Variants in ABCA1 observed in about 807,000 individuals in gnomAD.
The protein encoded by ABCA1 is phospholipid-transporting ATPase ABCA1.
In ABCA1, 133 loss-of-function variants were observed where a neutral mutation model predicts 262.5. The observed-to-expected ratio is 0.51, with a 90% CI of 0.44 to 0.59. The LOEUF (loss-of-function observed/expected upper bound fraction) is 0.59. Ranked by LOEUF, ABCA1 falls within the 20% of genes least tolerant of loss-of-function variation. The probability of loss-of-function intolerance (pLI) is 0.00; values close to 1 mark genes in which losing one functional copy is unlikely to be tolerated. For synonymous variants in ABCA1, 1,022 were observed against 1,043.5 expected, an observed-to-expected ratio of 0.98 and a Z score of 0.40; for missense variants, 2,452 against 2,777.5, an observed-to-expected ratio of 0.88 and a Z score of 2.63.
At position 104,884,624 on chromosome 9, in the gene ABCA1, AT is replaced by A. The variant is rs1490238966; in HGVS notation, c.161-57del. The stretch of plus-strand genomic sequence containing the variant: ...GGAGAAACATTAATTCCCTGAAGCG[AT>A]TTTGAGGCTCCATTTATACAATGCT... On this transcript the variant is annotated intron_variant, in intron 3 of 49. Coordinates refer to ENST00000374736, the MANE Select transcript of ABCA1 (RefSeq NM_005502.4). 32 of 1,598,748 alleles carry A rather than the reference AT, an allele frequency of 2.0e-5. No individual in the cohort carries two copies. In the Middle Eastern group the frequency reaches 2.2e-3, roughly 107 times the overall value.
At chr9:104,805,608 C>A (rs960586959) in intron 31 of ABCA1, among the ~76,000 whole-genome samples, 21 of 152,172 alleles carry the variant, frequency 1.4e-4, no homozygotes, top group Non-Finnish European at 2.9e-5. Flanking sequence ...TCTGGTCCAG[C>A]CTCCCTAATT....
Position 104,821,481 on chromosome 9 carries a change from G to T in ABCA1, c.2854C>A (p.Pro952Thr). The T allele has an allele frequency of 1.2e-6, 2 of 1,614,030 alleles. No individual in the cohort carries two copies. The highest frequency in any genetic ancestry group is 1.7e-6 in the Non-Finnish European group (2 of 1,180,042). The change falls in exon 20 of 50, where the codon CCG becomes ACG. Residue 952 changes from proline to threonine, a missense_variant. Pro to Thr is a conservative substitution (Grantham distance 38). Around this residue, in one of 4 missense-constraint regions of ABCA1, gnomAD observed 665 missense variants for 727.3 expected, o/e 0.91. Transcript: ENST00000374736. ...TMSILTGLFPPTSGTAYILGK... is the reference protein window; with the variant it reads ...TMSILTGLFPTTSGTAYILGK... Reference sequence around the variant, plus strand: ...AGGATGTAGGCGGTGCCCGAGGTCGGGGGGAACAACCCGGTCAGGATTGAC... The same window carrying T: ...AGGATGTAGGCGGTGCCCGAGGTCGTGGGGAACAACCCGGTCAGGATTGAC...
chr9:104,803,638 G>A (rs78689349), intron 32 of ABCA1, among the ~76,000 whole-genome samples: 10,260 of 151,228 alleles, frequency 0.068, 432 homozygotes, highest in East Asian at 0.22. Flanking sequence ...AGATGGTTTC[G>A]CTCTTGTTGC....
At position 104,782,848 on chromosome 9, in the gene ABCA1, TA is replaced by T. The variant is rs200463326; in HGVS notation, c.*1466del. ...TTCTTGGCTTTTGCATTGTTGCAATTAAAAAAAAAAAAAAAAAGGCTGCCCA... is the reference window on the plus strand; with the variant it reads ...TTCTTGGCTTTTGCATTGTTGCAATTAAAAAAAAAAAAAAAAGGCTGCCCA... On this transcript the variant is annotated 3_prime_UTR_variant, in exon 50 of 50. Transcript: ENST00000374736. The T allele has an allele frequency of 0.31, 41,813 of 136,024 alleles. 6,115 individuals are homozygous for T. Among genetic ancestry groups the T allele is most frequent in the East Asian group, 0.54 (2,601 of 4,834 alleles). The allele number at this position is 136,024 out of a possible 1,614,324, so 8.4% of individuals were successfully genotyped here.
chr9:104,872,741 A>G (rs1451864286), intron 5 of ABCA1, among the ~76,000 whole-genome samples: 1 of 152,226 alleles, frequency 6.6e-6, no homozygotes, highest in Non-Finnish European at 1.5e-5. Flanking sequence ...TTCAATGAGA[A>G]ACAAACTGGA....
chr9:104,838,291 G>A (rs1281306941), intron 9 of ABCA1, among the ~76,000 whole-genome samples: 4 of 130,340 alleles, frequency 3.1e-5, no homozygotes, highest in South Asian at 2.5e-4. Flanking sequence ...CAACAAGAGC[G>A]AAACTCTGTC....
At chr9:104,786,429 T>C (rs1360522404) in intron 47 of ABCA1, 39 bp from the exon 48 acceptor site, 2 of 1,555,504 alleles carry the variant, frequency 1.3e-6, no homozygotes, top group Admixed American at 3.3e-5. Flanking sequence ...TTTAGAGAGA[T>C]TCTCTGTAAC....
chr9:104,898,534 TAGACTCCGTCTTGAA>T (rs1840400108), intron 2 of ABCA1, among the ~76,000 whole-genome samples: 1 of 150,896 alleles, frequency 6.6e-6, no homozygotes, highest in Non-Finnish European at 1.5e-5. Context: ...GCGACAGAAC[TAGACTCCGTCTTGAA>T]AAATAAATAA....
chr9:104,799,806 CAGCCACACTTACAG>C lies in ABCA1; in HGVS notation c.4942_4943+12del. On this transcript the variant is annotated splice_donor_variant and splice_donor_5th_base_variant and coding_sequence_variant and intron_variant, in exon 36 of 50. Coordinates refer to ENST00000374736, the MANE Select transcript of ABCA1 (RefSeq NM_005502.4). LOFTEE classifies it high-confidence loss of function. ...TTGCCCCACTCCATCTATACAGACA[CAGCCACACTTACAG>C]AGCCACCTCTGAGAGCTGCTGCTTG... The C allele has an allele frequency of 1.2e-6, 2 of 1,614,220 alleles. No homozygotes were observed. Among genetic ancestry groups the C allele is most frequent in the Non-Finnish European group, 1.7e-6 (2 of 1,180,038 alleles).
intron 13 of ABCA1, 50 bp from the exon 14 acceptor site, chr9:104,831,151 A>AAT: frequency 6.4e-6 from 3 of 467,886 alleles, no homozygotes; most frequent in Non-Finnish European, 9.4e-6. Context: ...CCATACAATA[A>AAT]AAAAAAAAAA....
intron 2 of ABCA1, among the ~76,000 whole-genome samples, chr9:104,900,711 T>C (rs138751222): frequency 5.3e-5 from 8 of 152,354 alleles, no homozygotes; most frequent in Admixed American, 1.3e-4. Context: ...CTTTCCTGAC[T>C]GACCAACTCT....
At chr9:104,816,965 G>A (rs1421979771) in intron 24 of ABCA1, among the ~76,000 whole-genome samples, 9 of 152,104 alleles carry the variant, frequency 5.9e-5, no homozygotes, top group Admixed American at 5.9e-4. Context: ...CTGGAAGGCT[G>A]TTCCTCATCT....
intron 2 of ABCA1, among the ~76,000 whole-genome samples, chr9:104,892,709 G>C (rs1409812378): frequency 6.6e-6 from 1 of 151,916 alleles, no homozygotes; most frequent in Non-Finnish European, 1.5e-5. Flanking sequence ...AATCAGTTGA[G>C]CCCTTTGGGA....
chr9:104,805,404 A>C (rs1161868615), intron 31 of ABCA1, among the ~76,000 whole-genome samples: 1 of 152,168 alleles, frequency 6.6e-6, no homozygotes, highest in Non-Finnish European at 1.5e-5. Flanking sequence ...AGTGGTAACC[A>C]AGCCTTCTTT....
At position 104,831,118 on chromosome 9, in the gene ABCA1, G is replaced by C. The variant is rs375275138; in HGVS notation, c.1716-17C>G. 2.8e-5 allele frequency: 43 copies of C among 1,549,966 alleles called. No individual in the cohort carries two copies. Among genetic ancestry groups the C allele is most frequent in the African/African-American group, 7.5e-5 (5 of 66,290 alleles). On this transcript the variant is annotated splice_polypyrimidine_tract_variant and intron_variant, in intron 13 of 49. Coordinates refer to ENST00000374736, the MANE Select transcript of ABCA1 (RefSeq NM_005502.4). ...TCCCAGTACCTAAAACCAAACCACAGGTAATCAACCATTCCTTTAGAACCA... is the reference window on the plus strand; with the variant it reads ...TCCCAGTACCTAAAACCAAACCACACGTAATCAACCATTCCTTTAGAACCA...
chr9:104,806,174 T>C (rs1215570489), intron 31 of ABCA1, 67 bp downstream of exon 31: 8 of 1,509,510 alleles, frequency 5.3e-6, no homozygotes, highest in Admixed American at 5.3e-5. Context: ...TCATTCCTGC[T>C]TCCAAGCGGA....
rs137854498 is a variant in ABCA1, at chr9:104,798,504, G to A, written c.5038C>T (p.Arg1680Trp). The change falls in exon 37 of 50, where the codon CGG becomes TGG. Residue 1680 changes from arginine to tryptophan, a missense_variant. By Grantham distance (101) the Arg-to-Trp change is moderately radical. Coordinates refer to ENST00000374736, the MANE Select transcript of ABCA1 (RefSeq NM_005502.4). ...TGCAGGTGTTTTGCTTTGCTGACCC[G>A]CTCCTGGATCAGGAATACGACAAAG... The part of the protein sequence containing the change: ...ASFVVFLIQE[R>W]VSKAKHLQFI... 1.7e-5 allele frequency: 27 copies of A among 1,614,074 alleles called. No homozygotes were observed. Among genetic ancestry groups the A allele is most frequent in the Non-Finnish European group, 1.8e-5 (21 of 1,179,996 alleles).
intron 33 of ABCA1, among the ~76,000 whole-genome samples, chr9:104,803,021 T>C (rs1398175132): frequency 6.6e-6 from 1 of 152,114 alleles, no homozygotes; most frequent in Non-Finnish European, 1.5e-5. Flanking sequence ...AATCAGTATA[T>C]CAAATATTTC....
rs1290879643 is a variant in ABCA1, at chr9:104,912,557, AG to A, written c.-92-8787del. 3.3e-5 allele frequency among the ~76,000 whole-genome samples: 5 copies of A among 152,324 alleles called. No individual in the cohort carries two copies. In the East Asian group the frequency reaches 9.6e-4, roughly 29 times the overall value. On this transcript the variant is annotated intron_variant, in intron 1 of 49. Coordinates refer to ENST00000374736, the MANE Select transcript of ABCA1 (RefSeq NM_005502.4). ...AGGGCTTCTAAACCTCACAAGAGCC[AG>A]GATTTCTGAAAGCAGATCTGTCCTG...
Sources: gnomAD v4.1 joint callset for allele counts (sites outside exome capture counted in the v4.1 genomes callset) on GRCh38, gnomAD v4.1.1 for gene constraint, gnomAD v4.1.1 regional missense constraint, MANE v1.5 for transcripts, NCBI Gene and HGNC (gene_info 2026-07-23, HGNC 2026-07-21) for gene names.